The following FAM117B variants were observed in gnomAD, a reference collection of about 807,000 sequenced individuals.
FAM117B encodes the protein family with sequence similarity 117 member B.
FAM117B carries 22 observed loss-of-function variants against 52.8 expected under a neutral mutation model. The observed-to-expected ratio is 0.42, with a 90% CI of 0.30 to 0.59. The LOEUF is 0.59. FAM117B is among the 20% of genes least tolerant of loss of function. FAM117B has a pLI of 0.22. For missense variants in FAM117B, 678 were observed against 802.6 expected, an observed-to-expected ratio of 0.84 and a Z score of 1.88; for synonymous variants, 309 against 324.1, an observed-to-expected ratio of 0.95 and a Z score of 0.50.
chr2:202,708,832 G>A (rs919772270), intron 2 of FAM117B, among the ~76,000 whole-genome samples: 1 of 151,822 alleles, frequency 6.6e-6, no homozygotes, highest in Non-Finnish European at 1.5e-5. Flanking sequence ...ATGAACTTTT[G>A]GCCTCAAGCG....
chr2:202,635,400 T>TGGCGCCTCA lies in FAM117B; in HGVS notation c.217_225dup (p.Ala73_Gly75dup). 1 of 1,289,528 alleles carries TGGCGCCTCA rather than the reference T, an allele frequency of 7.8e-7. No homozygotes were observed. Among genetic ancestry groups the TGGCGCCTCA allele is most frequent in the Non-Finnish European group, 9.8e-7 (1 of 1,024,492 alleles). 79.9% of individuals were successfully genotyped at this position (1,289,528 alleles called of 1,614,324 possible). A position where few individuals can be genotyped will look rare whatever the true frequency, so the allele number is the denominator to read the frequency against. ...GCAACAACAACGGTGGCTGCTGTGG[T>TGGCGCCTCA]GGCGCCTCAGGCCCCGCAGGCGGCG... On this transcript the variant is annotated inframe_insertion, in exon 1 of 8. Coordinates refer to ENST00000392238, the MANE Select transcript of FAM117B (RefSeq NM_173511.4).
chr2:202,699,827 T>G (rs1230276377), intron 2 of FAM117B, among the ~76,000 whole-genome samples: 2 of 152,260 alleles, frequency 1.3e-5, no homozygotes, highest in African/African-American at 4.8e-5. Flanking sequence ...AACTCTGCCC[T>G]GAGCAAGTCT....
At chr2:202,678,263 G>A (rs1026122646) in intron 1 of FAM117B, among the ~76,000 whole-genome samples, 2 of 152,174 alleles carry the variant, frequency 1.3e-5, no homozygotes, top group African/African-American at 2.4e-5. Flanking sequence ...GACGGAGGGA[G>A]TGGGGCTCCT....
rs150635249 is a variant in FAM117B, at chr2:202,698,778, C to G, written c.753+2746C>G. 2.1e-3 allele frequency among the ~76,000 whole-genome samples: 324 copies of G among 152,296 alleles called. 3 individuals carry two copies. Among genetic ancestry groups the G allele is most frequent in the African/African-American group, 7.3e-3 (304 of 41,560 alleles). ...GTGAAACTCTGTAGTTATTCACAAT[C>G]TGTAACTTTGCTGAGCTTAGGGCAT... On this transcript the variant is annotated intron_variant, in intron 2 of 7. Transcript: ENST00000392238.
At chr2:202,713,983 A>G (rs949678960) in intron 2 of FAM117B, among the ~76,000 whole-genome samples, 1 of 152,254 alleles carries the variant, frequency 6.6e-6, no homozygotes, top group Admixed American at 6.5e-5. Flanking sequence ...CTAGGATTAC[A>G]GGTGTGAGCC....
At chr2:202,644,281 CTT>C (rs1689829670) in intron 1 of FAM117B, among the ~76,000 whole-genome samples, 1 of 151,878 alleles carries the variant, frequency 6.6e-6, no homozygotes. Flanking sequence ...TTTTAAATAA[CTT>C]TTTGTGGTCT....
Position 202,647,420 on chromosome 2 carries a change from A to T in FAM117B, c.601+11632A>T, listed in dbSNP as rs80049393. On this transcript the variant is annotated intron_variant, in intron 1 of 7. Coordinates refer to ENST00000392238, the MANE Select transcript of FAM117B (RefSeq NM_173511.4). ...AAAAAACAGTTTATTTATTTCAACA[A>T]AACGTGTATATATATTTTTTTCTGT... Among the ~76,000 whole-genome samples, 1,291 of 152,308 alleles carry T rather than the reference A, an allele frequency of 8.5e-3. 24 individuals are homozygous for T. Among genetic ancestry groups the T allele is most frequent in the African/African-American group, 0.029 (1,220 of 41,556 alleles).
intron 1 of FAM117B, among the ~76,000 whole-genome samples, chr2:202,682,126 C>G (rs902280113): frequency 6.6e-6 from 1 of 152,206 alleles, no homozygotes; most frequent in Non-Finnish European, 1.5e-5. Flanking sequence ...TTCAGCTCCT[C>G]TTCACACTGA....
chr2:202,636,332 A>G (rs1559090935), intron 1 of FAM117B, among the ~76,000 whole-genome samples: 1 of 152,204 alleles, frequency 6.6e-6, no homozygotes, highest in Non-Finnish European at 1.5e-5. Flanking sequence ...ATTTCCTAAG[A>G]CTTGATAAAT....
intron 1 of FAM117B, among the ~76,000 whole-genome samples, chr2:202,670,210 AG>A (rs1428203769): frequency 6.6e-6 from 1 of 152,218 alleles, no homozygotes; most frequent in African/African-American, 2.4e-5. Flanking sequence ...CAAAGGCTTA[AG>A]GGGCAAAAAT....
At chr2:202,662,146 GTA>G (rs1690140361) in intron 1 of FAM117B, among the ~76,000 whole-genome samples, 1 of 151,834 alleles carries the variant, frequency 6.6e-6, no homozygotes, top group African/African-American at 2.4e-5. Flanking sequence ...GTGTATGTGT[GTA>G]TGTGTGTGTG....
At chr2:202,742,226 T>C (rs1458443765) in intron 4 of FAM117B, among the ~76,000 whole-genome samples, 3 of 152,144 alleles carry the variant, frequency 2.0e-5, no homozygotes, top group Non-Finnish European at 2.9e-5. Context: ...AAAGTAAATA[T>C]GTGAGTATAA....
intron 1 of FAM117B, among the ~76,000 whole-genome samples, chr2:202,656,929 C>T (rs1001116022): frequency 2.0e-5 from 3 of 151,916 alleles, no homozygotes; most frequent in African/African-American, 7.3e-5. Flanking sequence ...TATAATTTCC[C>T]TCTATCCCTG....
At chr2:202,644,688 C>T (rs1477285912) in intron 1 of FAM117B, among the ~76,000 whole-genome samples, 1 of 152,128 alleles carries the variant, frequency 6.6e-6, no homozygotes, top group Non-Finnish European at 1.5e-5. Context: ...TTTATACTTG[C>T]CGGTTTGACT....
chr2:202,696,041 A>G lies in FAM117B; in HGVS notation c.753+9A>G, dbSNP rs767334956. The G allele has an allele frequency of 1.9e-6, 3 of 1,611,838 alleles. No homozygotes were observed. Among genetic ancestry groups the G allele is most frequent in the Non-Finnish European group, 2.5e-6 (3 of 1,179,322 alleles). ...GGGACAAAGCTACACAGGTAAGCTTATTATAGTTCTTATCCTGAAGTGTTT... is the reference window on the plus strand; with the variant it reads ...GGGACAAAGCTACACAGGTAAGCTTGTTATAGTTCTTATCCTGAAGTGTTT... On this transcript the variant is annotated intron_variant, in intron 2 of 7. Transcript: ENST00000392238.
intron 1 of FAM117B, among the ~76,000 whole-genome samples, chr2:202,661,841 G>A (rs1233574836): frequency 6.6e-6 from 1 of 151,548 alleles, no homozygotes; most frequent in Non-Finnish European, 1.5e-5. Context: ...GCTTGAACCC[G>A]GGAGGCGGAG....
At chr2:202,703,151 AC>A (rs1690820043) in intron 2 of FAM117B, among the ~76,000 whole-genome samples, 1 of 152,184 alleles carries the variant, frequency 6.6e-6, no homozygotes, top group African/African-American at 2.4e-5. Context: ...CCAAAAAGAA[AC>A]CCTGTAACTC....
Position 202,766,708 on chromosome 2 carries a change from C to A in FAM117B, c.*944C>A, listed in dbSNP as rs988537412. The A allele has an allele frequency of 1.3e-5, 2 of 152,212 alleles. No homozygotes were observed. The highest frequency in any genetic ancestry group is 4.8e-5 in the African/African-American group (2 of 41,412). The allele number at this position is 152,212 out of a possible 1,614,324, so 9.4% of individuals were successfully genotyped here. On this transcript the variant is annotated 3_prime_UTR_variant, in exon 8 of 8. Transcript: ENST00000392238. The stretch of plus-strand genomic sequence containing the variant: ...TTCTGTGATATATATATATATCACA[C>A]GCTCTCCCTCCTTTACCACAGGTGT...
At chr2:202,679,907 T>C (rs1377422549) in intron 1 of FAM117B, among the ~76,000 whole-genome samples, 3 of 152,074 alleles carry the variant, frequency 2.0e-5, no homozygotes, top group Non-Finnish European at 4.4e-5. Context: ...ATAGAGATAA[T>C]ATTATATGAC....
Sources: gnomAD v4.1 joint callset for allele counts (sites outside exome capture counted in the v4.1 genomes callset) on GRCh38, gnomAD v4.1.1 for gene constraint, MANE v1.5 for transcripts, NCBI Gene and HGNC (gene_info 2026-07-23, HGNC 2026-07-21) for gene names.